Variants in NR4A3 observed in about 807,000 individuals in gnomAD.
The protein encoded by NR4A3 is nuclear receptor subfamily 4 group A member 3, also known as chondrosarcoma, extraskeletal myxoid, fused to EWS.
A neutral mutation model predicts 55.6 loss-of-function variants in NR4A3; 13 were observed. That is an observed-to-expected ratio of 0.23 (90% CI 0.15 to 0.37). NR4A3 has a LOEUF of 0.37. NR4A3 is among the 10% of genes least tolerant of loss of function. The pLI, the probability that NR4A3 is intolerant of heterozygous loss-of-function variation, is 1.00. For missense variants in NR4A3, 646 were observed against 822.8 expected (o/e 0.79, Z 2.63); for synonymous variants, 342 against 357.9 (o/e 0.96, Z 0.50).
chr9:99,824,190 G>A (rs908774276), intron 1 of NR4A3, among the ~76,000 whole-genome samples: 1 of 152,158 alleles, frequency 6.6e-6, no homozygotes, highest in East Asian at 1.9e-4. Context: ...GCGGCGGGGC[G>A]CTGGGCTGGG....
chr9:99,852,052 C>T (rs1827857885), intron 7 of NR4A3, among the ~76,000 whole-genome samples: 2 of 152,162 alleles, frequency 1.3e-5, no homozygotes, highest in Admixed American at 6.5e-5. Flanking sequence ...GATTAGTGCT[C>T]AGGCCCTGAA....
rs1377602306 is a variant in NR4A3 at position 99,864,740 on chromosome 9, G to C, written c.*873G>C. The stretch of plus-strand genomic sequence containing the variant: ...AAACTGGATTACATGTAACTGTTTT[G>C]GTTGTGTTCTATCAACCCCACCAGA... On this transcript the variant is annotated 3_prime_UTR_variant, in exon 8 of 8. Transcript: ENST00000395097. The C allele has an allele frequency of 4.5e-6, 1 of 223,528 alleles. No individual in the cohort carries two copies. Among genetic ancestry groups the C allele is most frequent in the African/African-American group, 2.2e-5 (1 of 44,682 alleles). The allele number at this position is 223,528 out of a possible 1,614,324, so 13.8% of individuals were successfully genotyped here.
chr9:99,829,872 C>T (rs1401897675), intron 3 of NR4A3, among the ~76,000 whole-genome samples: 1 of 152,180 alleles, frequency 6.6e-6, no homozygotes. Flanking sequence ...AGGCCTGGAG[C>T]GGTGAAGCCT....
intron 2 of NR4A3, among the ~76,000 whole-genome samples, chr9:99,827,516 T>C (rs1042000542): frequency 2.0e-5 from 3 of 152,132 alleles, no homozygotes; most frequent in Admixed American, 1.3e-4. Flanking sequence ...TTGGCACTCA[T>C]AAAATGTTAG....
chr9:99,828,615 C>T lies in NR4A3; in HGVS notation c.573C>T (p.Phe191=). The T allele has an allele frequency of 6.7e-7, 1 of 1,503,200 alleles. No individual in the cohort carries two copies. Among genetic ancestry groups the T allele is most frequent in the Non-Finnish European group, 8.8e-7 (1 of 1,136,878 alleles). 93.1% of individuals were successfully genotyped at this position (1,503,200 alleles called of 1,614,324 possible). The change falls in exon 3 of 8, where the codon TTC becomes TTT. Residue 191 remains phenylalanine (F), a synonymous_variant. Transcript: ENST00000395097. This position sits in a 1 kb window ranked among gnomAD's most constrained non-coding sequence, Gnocchi z 7.7. The part of the protein sequence containing the change: ...PTVAGARFPL[F]HFKPSPPHPP... ...TGGCCGGCGCGCGCTTCCCGCTCTT[C>T]CACTTCAAGCCCTCGCCGCCGCATC... is the stretch of plus-strand genomic sequence containing the variant.
chr9:99,839,170 G>A (rs1235218716), intron 5 of NR4A3, among the ~76,000 whole-genome samples: 1 of 152,052 alleles, frequency 6.6e-6, no homozygotes, highest in African/African-American at 2.4e-5. Flanking sequence ...TTGGAGTGGG[G>A]GCATAGAGTT....
rs752615743 is a variant in NR4A3, at chr9:99,828,954, C to T, written c.912C>T (p.Tyr304=). 10 of 1,419,092 alleles carry T rather than the reference C, an allele frequency of 7.0e-6. No homozygotes were observed. The highest frequency in any genetic ancestry group is 4.5e-5 in the South Asian group (3 of 67,058). The allele number at this position is 1,419,092 out of a possible 1,614,324, so 87.9% of individuals were successfully genotyped here. A position where few individuals can be genotyped will look rare whatever the true frequency, so the allele number is the denominator to read the frequency against. The part of the protein sequence containing the change: ...VCGDNAACQH[Y]GVRTCEGCKG... ...GGGACAACGCCGCCTGCCAGCACTA[C>T]GGCGTGCGAACCTGCGAGGGCTGCA... is the stretch of plus-strand genomic sequence containing the variant. The change falls in exon 3 of 8, where the codon TAC becomes TAT. Residue 304 remains tyrosine (Y), a synonymous_variant. Coordinates refer to ENST00000395097, the MANE Select transcript of NR4A3 (RefSeq NM_006981.4). The surrounding 1 kb of genome is among the most constrained non-coding windows in gnomAD (Gnocchi z 7.7).
chr9:99,847,321 C>T, intron 6 of NR4A3, 116 bp from the exon 7 acceptor site: 1 of 914,144 alleles, frequency 1.1e-6, no homozygotes, highest in East Asian at 2.4e-5. Flanking sequence ...TTCATAGCAC[C>T]ACACTGGGGT....
At chr9:99,832,605 C>A in intron 3 of NR4A3, 84 bp from the exon 4 acceptor site, 2 of 1,180,338 alleles carry the variant, frequency 1.7e-6, no homozygotes. Flanking sequence ...TGTCGCTTTT[C>A]ACATTGTAAT....
chr9:99,832,663 G>T, intron 3 of NR4A3, 26 bp from the exon 4 acceptor site: 1 of 1,522,822 alleles, frequency 6.6e-7, no homozygotes, highest in South Asian at 1.3e-5. Context: ...ACTATCAGTT[G>T]ACTATCTTGT....
intron 3 of NR4A3, among the ~76,000 whole-genome samples, chr9:99,830,485 C>A (rs1261383167): frequency 6.6e-6 from 1 of 151,342 alleles, no homozygotes; most frequent in Non-Finnish European, 1.5e-5. Context: ...CAACAAGCAA[C>A]AATTATTTTT....
intron 2 of NR4A3, chr9:99,826,697 C>A: frequency 7.4e-7 from 1 of 1,347,106 alleles, no homozygotes; most frequent in Non-Finnish European, 1.1e-6. Flanking sequence ...AAGGCTTGAA[C>A]TGGCCTCTCC....
Position 99,862,582 on chromosome 9 carries a change from A to AAG in NR4A3, c.1634-1030_1634-1029dup, listed in dbSNP as rs1564041245. On this transcript the variant is annotated intron_variant, in intron 7 of 7. Coordinates refer to ENST00000395097, the MANE Select transcript of NR4A3 (RefSeq NM_006981.4). ...AAAAAAAAAAAAAAAAAAAAAAAAA[A>AAG]AGAGAGAGAAATGAGGCTCTGAAGT... Among the ~76,000 whole-genome samples the AAG allele has an allele frequency of 9.9e-3, 1,149 of 115,760 alleles. 4 individuals are homozygous for AAG. Among genetic ancestry groups the AAG allele is most frequent in the African/African-American group, 0.028 (665 of 23,698 alleles). 75.9% of individuals were successfully genotyped at this position (115,760 alleles called of 152,430 possible).
chr9:99,864,000 CTT>C lies in NR4A3; in HGVS notation c.*135_*136del. On this transcript the variant is annotated 3_prime_UTR_variant, in exon 8 of 8. Transcript: ENST00000395097. ...AAGCAGCTCCTGTAGAAAGCAAAGA[CTT>C]TCTTTTTTTTCTGGCTCTTTTCCTT... The C allele has an allele frequency of 9.2e-7, 1 of 1,082,386 alleles. No individual in the cohort carries two copies. Among genetic ancestry groups the C allele is most frequent in the Non-Finnish European group, 1.3e-6 (1 of 768,248 alleles). The allele number at this position is 1,082,386 out of a possible 1,614,324, so 67.0% of individuals were successfully genotyped here.
At chr9:99,830,580 C>T (rs942906180) in intron 3 of NR4A3, among the ~76,000 whole-genome samples, 1 of 152,064 alleles carries the variant, frequency 6.6e-6, no homozygotes, top group African/African-American at 2.4e-5. Context: ...CGTTAAGTGC[C>T]CTACAGATAT....
chr9:99,849,551 G>A (rs1587884531), intron 7 of NR4A3, among the ~76,000 whole-genome samples: 1 of 152,190 alleles, frequency 6.6e-6, no homozygotes, highest in East Asian at 1.9e-4. Context: ...GTTCAAGGCT[G>A]CCTTTGAACT....
intron 2 of NR4A3, chr9:99,826,908 CT>C: frequency 8.8e-7 from 1 of 1,135,788 alleles, no homozygotes; most frequent in Non-Finnish European, 1.3e-6. Flanking sequence ...TTTCCTTTGG[CT>C]CAGAAAAACC....
rs1352712263 is a variant in NR4A3 at position 99,822,475 on chromosome 9, C to T, written c.-177+68C>T. On this transcript the variant is annotated intron_variant, in intron 1 of 7. Coordinates refer to ENST00000395097, the MANE Select transcript of NR4A3 (RefSeq NM_006981.4). This position sits in a 1 kb window ranked among gnomAD's most constrained non-coding sequence, Gnocchi z 4.9. ...AAAGTTGGCTTGCTGGGAAGCGTCGCTCCTGAAATTGACAACTTTGAGTGT... is the reference window on the plus strand; with the variant it reads ...AAAGTTGGCTTGCTGGGAAGCGTCGTTCCTGAAATTGACAACTTTGAGTGT... 1 of 152,390 alleles carries T rather than the reference C, an allele frequency of 6.6e-6. No individual in the cohort carries two copies. The highest frequency in any genetic ancestry group is 2.4e-5 in the African/African-American group (1 of 41,472). The allele number at this position is 152,390 out of a possible 1,614,324, so 9.4% of individuals were successfully genotyped here. A position where few individuals can be genotyped will look rare whatever the true frequency, so the allele number is the denominator to read the frequency against.
rs796890562 is a variant in NR4A3, at chr9:99,847,186, T to C, written c.1455-251T>C. On this transcript the variant is annotated intron_variant, in intron 6 of 7. Transcript: ENST00000395097. ...CCAGTAATTGATTCTAGTAATAAGA[T>C]AGCAGGTGCCACAGCCCATATCTTC... Among the ~76,000 whole-genome samples the C allele has an allele frequency of 6.6e-5, 10 of 152,310 alleles. No homozygotes were observed. In the East Asian group the frequency reaches 1.7e-3, roughly 26 times the overall value.
Sources: allele counts gnomAD v4.1 joint callset (sites outside exome capture counted in the v4.1 genomes callset), GRCh38; gene constraint gnomAD v4.1.1; non-coding constraint Gnocchi (gnomAD v3.1); transcripts MANE v1.5; gene names NCBI Gene and HGNC (gene_info 2026-07-23, HGNC 2026-07-21).